UPP1: variants seen among roughly 807,000 people sequenced by gnomAD.
UPP1 encodes the protein uridine phosphorylase 1.
In UPP1, 25 loss-of-function variants were observed where a neutral mutation model predicts 29.6. The observed-to-expected ratio is 0.85, with a 90% CI of 0.62 to 1.18. The LOEUF (loss-of-function observed/expected upper bound fraction) is 1.18, where lower values mean the gene tolerates loss of function less well. Among genes scored for constraint, UPP1 ranks in the 50% most tolerant of loss-of-function variants. The pLI, the probability that UPP1 is intolerant of heterozygous loss-of-function variation, is 0.00. For missense variants in UPP1, 368 were observed against 410.4 expected, an observed-to-expected ratio of 0.90 and a Z score of 0.89; for synonymous variants, 165 against 159.8, an observed-to-expected ratio of 1.03 and a Z score of -0.25.
In UPP1 at chr7:48,097,716, CTG is replaced by C. The variant is rs532924036; in HGVS notation, c.45-1950_45-1949del. ...ACTCTTAGCCCTTCTATGTTGTACT[CTG>C]TGTATTTCTAACATCCTGAAGGAGG... On this transcript the variant is annotated intron_variant, in intron 3 of 8. Transcript: ENST00000395564. 2.8e-4 allele frequency among the ~76,000 whole-genome samples: 43 copies of C among 152,298 alleles called. 1 individual carries two copies. In the South Asian group the frequency reaches 8.3e-3, roughly 29 times the overall value.
intron 3 of UPP1, among the ~76,000 whole-genome samples, chr7:48,095,509 C>T (rs1792081416): frequency 6.6e-6 from 1 of 151,788 alleles, no homozygotes; most frequent in African/African-American, 2.4e-5. Context: ...TTCCCTGAGA[C>T]CTCTCTGAAG....
At chr7:48,103,964 A>G in intron 6 of UPP1, 2 of 1,224,442 alleles carry the variant, frequency 1.6e-6, no homozygotes, top group Middle Eastern at 3.2e-4. Context: ...TCACACCTGT[A>G]ATCCCAGCAC....
intron 4 of UPP1, among the ~76,000 whole-genome samples, chr7:48,101,531 C>T (rs1425473371): frequency 6.6e-6 from 1 of 152,114 alleles, no homozygotes; most frequent in African/African-American, 2.4e-5. Flanking sequence ...GGAGGGAGGC[C>T]GAGGGTGCAC....
intron 5 of UPP1, among the ~76,000 whole-genome samples, chr7:48,102,875 C>T (rs1792509304): frequency 6.6e-6 from 1 of 152,118 alleles, no homozygotes; most frequent in Admixed American, 6.5e-5. Context: ...GAGGAACCAG[C>T]TGATTACTTA....
At chr7:48,102,176 G>A (rs1018451484) in intron 5 of UPP1, among the ~76,000 whole-genome samples, 194 bp downstream of exon 5, 1 of 152,128 alleles carries the variant, frequency 6.6e-6, no homozygotes. Context: ...AGTCTCCAGG[G>A]GCGACTAAGT....
At chr7:48,096,325 G>A (rs1323170274) in intron 3 of UPP1, among the ~76,000 whole-genome samples, 2 of 152,152 alleles carry the variant, frequency 1.3e-5, no homozygotes, top group East Asian at 1.9e-4. Flanking sequence ...CTTTGAATGG[G>A]GTTACTGATG....
At chr7:48,106,453 G>A in intron 6 of UPP1, 1 of 190,700 alleles carries the variant, frequency 5.2e-6, no homozygotes. Flanking sequence ...TGGGATTACA[G>A]ACACCCGGCA....
chr7:48,101,875 G>T lies in UPP1; in HGVS notation c.214G>T (p.Val72Phe). The change falls in exon 5 of 9, where the codon GTT becomes TTT. Residue 72 changes from valine (V) to phenylalanine (F), a missense_variant. Val to Phe is a conservative substitution (Grantham distance 50). Coordinates refer to ENST00000395564, the MANE Select transcript of UPP1 (RefSeq NM_003364.4). ...PSRMKAFIRC[V>F]GAELGLDCPG... is the part of the protein sequence containing the mutation. ...CCGGATGAAAGCCTTCATCAGGTGC[G>T]TTGGTGCAGAGCTGGGCCTTGACTG... 6.2e-7 allele frequency: 1 copy of T among 1,614,072 alleles called. No individual in the cohort carries two copies. Among genetic ancestry groups the T allele is most frequent in the Non-Finnish European group, 8.5e-7 (1 of 1,180,010 alleles).
At chr7:48,106,784 T>C (rs552939607) in intron 6 of UPP1, 89 bp from the exon 7 acceptor site, 34 of 1,194,154 alleles carry the variant, frequency 2.8e-5, no homozygotes, top group Non-Finnish European at 3.9e-5. Context: ...CTTTCTTCCA[T>C]ATGCTCTGCT....
At chr7:48,089,152 C>T (rs1791667774), upstream of UPP1, 1 of 152,144 alleles carries the variant, frequency 6.6e-6, no homozygotes, top group African/African-American at 2.4e-5. Context: ...AGGATGCGGT[C>T]AGCTGAGTTC....
intron 4 of UPP1, 22 bp from the exon 5 acceptor site, chr7:48,101,802 G>A: frequency 5.6e-6 from 9 of 1,610,964 alleles, no homozygotes; most frequent in Non-Finnish European, 6.8e-6. Context: ...CACTAATGGG[G>A]GTCTCTCTTC....
At chr7:48,098,738 A>G (rs538882189) in intron 3 of UPP1, among the ~76,000 whole-genome samples, 2 of 152,344 alleles carry the variant, frequency 1.3e-5, no homozygotes, top group South Asian at 4.1e-4. Context: ...AAGAAAAAGA[A>G]GTCCCCAATT....
At chr7:48,102,102 A>G (rs1792460096) in intron 5 of UPP1, 120 bp downstream of exon 5, 10 of 1,162,418 alleles carry the variant, frequency 8.6e-6, no homozygotes, top group South Asian at 1.6e-5. Flanking sequence ...GGCTGGGAGC[A>G]GGGTGAGCCC....
At chr7:48,097,688 A>G (rs1046670868) in intron 3 of UPP1, among the ~76,000 whole-genome samples, 1 of 152,228 alleles carries the variant, frequency 6.6e-6, no homozygotes, top group Non-Finnish European at 1.5e-5. Flanking sequence ...ATTTTGAAGC[A>G]TGACTCTTAG....
At chr7:48,093,695 C>T (rs1361174695) in intron 2 of UPP1, among the ~76,000 whole-genome samples, 7 of 152,216 alleles carry the variant, frequency 4.6e-5, no homozygotes, top group Non-Finnish European at 1.0e-4. Context: ...CCACGTTTTT[C>T]CTTCATGGGA....
intron 3 of UPP1, among the ~76,000 whole-genome samples, chr7:48,097,380 C>T (rs1463072010): frequency 6.6e-6 from 1 of 152,084 alleles, no homozygotes; most frequent in Non-Finnish European, 1.5e-5. Context: ...ACTATAGGTG[C>T]ATGCCACCAT....
intron 2 of UPP1, among the ~76,000 whole-genome samples, chr7:48,090,647 C>G (rs1261852285): frequency 3.3e-5 from 5 of 152,194 alleles, no homozygotes; most frequent in African/African-American, 1.2e-4. Context: ...GAAAGAATGT[C>G]TTACTCTGGA....
Position 48,108,498 on chromosome 7 carries a change from T to C in UPP1, c.*141T>C. The C allele has an allele frequency of 1.0e-6, 1 of 1,002,930 alleles. No homozygotes were observed. Among genetic ancestry groups the C allele is most frequent in the Non-Finnish European group, 1.4e-6 (1 of 723,740 alleles). The allele number at this position is 1,002,930 out of a possible 1,614,324, so 62.1% of individuals were successfully genotyped here. A position where few individuals can be genotyped will look rare whatever the true frequency, so the allele number is the denominator to read the frequency against. The stretch of plus-strand genomic sequence containing the variant: ...ATCGCGATTAAGAGACAGAGAATCT[T>C]GGATTAACCGCATGGGAGATGTTCT... On this transcript the variant is annotated 3_prime_UTR_variant, in exon 9 of 9. Coordinates refer to ENST00000395564, the MANE Select transcript of UPP1 (RefSeq NM_003364.4).
intron 4 of UPP1, among the ~76,000 whole-genome samples, chr7:48,101,520 C>T (rs1311383495): frequency 6.6e-6 from 1 of 152,050 alleles, no homozygotes; most frequent in Non-Finnish European, 1.5e-5. Context: ...TTCTACATGA[C>T]GGAGGGAGGC....
Sources: allele counts gnomAD v4.1 joint callset (sites outside exome capture counted in the v4.1 genomes callset), GRCh38; gene constraint gnomAD v4.1.1; transcripts MANE v1.5; gene names NCBI Gene and HGNC (gene_info 2026-07-23, HGNC 2026-07-21).